EBF1: variants seen among roughly 807,000 people sequenced by gnomAD.
EBF1 encodes EBF transcription factor 1.
A neutral mutation model predicts 68.4 loss-of-function variants in EBF1; 10 were observed. That is an observed-to-expected ratio of 0.15 (90% CI 0.09 to 0.25). The LOEUF (loss-of-function observed/expected upper bound fraction) is 0.25. Ranked by LOEUF, EBF1 falls within the 10% of genes least tolerant of loss-of-function variation. The probability of loss-of-function intolerance (pLI) is 1.00; values close to 1 mark genes in which losing one functional copy is unlikely to be tolerated. For synonymous variants in EBF1, 298 were observed against 299.8 expected (o/e 0.99, Z 0.06); for missense variants, 509 against 794.4 (o/e 0.64, Z 4.32).
chr5:158,877,063 G>T (rs1797947598), intron 6 of EBF1, among the ~76,000 whole-genome samples: 1 of 152,076 alleles, frequency 6.6e-6, no homozygotes, highest in South Asian at 2.1e-4. Context: ...CTGGCTTTTG[G>T]CATGTATTTT....
chr5:158,768,721 C>T (rs1773278912), intron 10 of EBF1, among the ~76,000 whole-genome samples: 1 of 152,142 alleles, frequency 6.6e-6, no homozygotes, highest in South Asian at 2.1e-4. Flanking sequence ...AATAATCCTC[C>T]ATCAAACATT....
chr5:159,096,260 A>T (rs1245103040), intron 3 of EBF1, 83 bp downstream of exon 3: 3 of 1,413,038 alleles, frequency 2.1e-6, no homozygotes, highest in African/African-American at 1.4e-5. Context: ...TCGCTGGAGG[A>T]TTTCGTCCAC....
chr5:158,815,627 G>A (rs1201612909), intron 8 of EBF1, among the ~76,000 whole-genome samples: 1 of 152,160 alleles, frequency 6.6e-6, no homozygotes, highest in Non-Finnish European at 1.5e-5. Flanking sequence ...TTTCTCATTT[G>A]TTATCAGTGC....
intron 6 of EBF1, among the ~76,000 whole-genome samples, chr5:158,956,854 G>A (rs1156268413): frequency 6.6e-6 from 1 of 151,506 alleles, no homozygotes; most frequent in African/African-American, 2.4e-5. Context: ...CACCTCCCGG[G>A]TTCACACCAT....
intron 6 of EBF1, among the ~76,000 whole-genome samples, chr5:158,962,431 A>C (rs532620999): frequency 6.6e-6 from 1 of 152,042 alleles, no homozygotes; most frequent in Non-Finnish European, 1.5e-5. Context: ...GGCCAAACGA[A>C]ACGCTTCCCC....
intron 6 of EBF1, among the ~76,000 whole-genome samples, chr5:158,851,150 G>A (rs867347538): frequency 5.3e-5 from 8 of 151,408 alleles, no homozygotes; most frequent in African/African-American, 1.5e-4. Context: ...GGAGGCAGGC[G>A]GATCACCTGA....
At chr5:158,725,082 G>C (rs937389426) in intron 11 of EBF1, among the ~76,000 whole-genome samples, 3 of 152,200 alleles carry the variant, frequency 2.0e-5, no homozygotes, top group Non-Finnish European at 2.9e-5. Context: ...TGTACAGGGA[G>C]AGCCACTTCA....
chr5:158,768,552 A>G lies in EBF1; in HGVS notation c.1036+8861T>C, dbSNP rs1773238082. ...TTCAATATTATTTTAATTATGTTTT[A>G]TTGGTGCTTCCTAAATGATCTGAAA... On this transcript the variant is annotated intron_variant, in intron 10 of 15. Transcript: ENST00000313708. 2.0e-5 allele frequency among the ~76,000 whole-genome samples: 3 copies of G among 152,266 alleles called. No individual in the cohort carries two copies. The South Asian group carries it at 6.2e-4, about 32-fold the overall frequency.
intron 6 of EBF1, among the ~76,000 whole-genome samples, chr5:159,070,264 C>T (rs946620816): frequency 1.3e-5 from 2 of 152,152 alleles, no homozygotes; most frequent in Non-Finnish European, 2.9e-5. Context: ...TCCAGATGTG[C>T]ACTTCCTGCA....
chr5:159,012,596 C>T (rs1764891538), intron 6 of EBF1, among the ~76,000 whole-genome samples: 1 of 152,118 alleles, frequency 6.6e-6, no homozygotes, highest in Non-Finnish European at 1.5e-5. Flanking sequence ...AAGCAATCCT[C>T]TCACTTCAGC....
intron 6 of EBF1, among the ~76,000 whole-genome samples, chr5:159,065,374 G>A (rs1045714617): frequency 3.3e-5 from 5 of 152,128 alleles, no homozygotes; most frequent in South Asian, 2.1e-4. Flanking sequence ...GAGAATTCAC[G>A]GCACTGGCGG....
At chr5:158,948,389 C>A (rs994195075) in intron 6 of EBF1, among the ~76,000 whole-genome samples, 4 of 151,922 alleles carry the variant, frequency 2.6e-5, no homozygotes, top group African/African-American at 4.8e-5. Flanking sequence ...AAAAAAAAAA[C>A]CACTGTAGCA....
intron 6 of EBF1, among the ~76,000 whole-genome samples, chr5:158,840,809 C>T (rs960301763): frequency 2.2e-4 from 33 of 149,034 alleles, no homozygotes; most frequent in Admixed American, 2.7e-4. Context: ...GTAGCTGGGA[C>T]TACAGGCGCC....
chr5:158,977,350 AACTAAAT>A (rs1220621753), intron 6 of EBF1, among the ~76,000 whole-genome samples: 1 of 152,244 alleles, frequency 6.6e-6, no homozygotes, highest in African/African-American at 2.4e-5. Context: ...ATAGCTTGGA[AACTAAAT>A]ACTAAACTCA....
chr5:158,825,556 C>T (rs1416655553), intron 7 of EBF1, among the ~76,000 whole-genome samples: 3 of 150,880 alleles, frequency 2.0e-5, no homozygotes, highest in African/African-American at 4.9e-5. Flanking sequence ...AAACTTAAGG[C>T]TTAAAATATT....
chr5:158,723,126 C>A (rs1482180070), intron 11 of EBF1, among the ~76,000 whole-genome samples: 1 of 152,188 alleles, frequency 6.6e-6, no homozygotes, highest in African/African-American at 2.4e-5. Context: ...AGAGGGAAAG[C>A]ATGGTACCCA....
intron 6 of EBF1, among the ~76,000 whole-genome samples, chr5:158,936,805 C>T (rs978653410): frequency 6.6e-6 from 1 of 152,150 alleles, no homozygotes. Flanking sequence ...GCCATAGTAT[C>T]ACGAACAGAG....
intron 10 of EBF1, among the ~76,000 whole-genome samples, chr5:158,767,274 T>C (rs560364010): frequency 1.3e-5 from 2 of 152,282 alleles, no homozygotes; most frequent in East Asian, 3.9e-4. Flanking sequence ...TTTTTTGTAT[T>C]TTAAAAATCT....
At chr5:159,049,067 G>A (rs1773013929) in intron 6 of EBF1, among the ~76,000 whole-genome samples, 1 of 152,104 alleles carries the variant, frequency 6.6e-6, no homozygotes, top group Admixed American at 6.5e-5. Flanking sequence ...ATTTCATTTG[G>A]CTCCTTTTTC....
Sources: allele counts gnomAD v4.1 joint callset (sites outside exome capture counted in the v4.1 genomes callset), GRCh38; gene constraint gnomAD v4.1.1; transcripts MANE v1.5; gene names NCBI Gene and HGNC (gene_info 2026-07-23, HGNC 2026-07-21).